The following PPP2R2A variants were observed in gnomAD, a reference collection of about 807,000 sequenced individuals.
PPP2R2A encodes the protein serine/threonine-protein phosphatase 2A 55 kDa regulatory subunit B alpha isoform.
PPP2R2A carries 9 observed loss-of-function variants against 53.2 expected under a neutral mutation model. That is an observed-to-expected ratio of 0.17 (90% confidence interval 0.10 to 0.30). The LOEUF (loss-of-function observed/expected upper bound fraction) is 0.30, where lower values mean the gene tolerates loss of function less well. Among genes scored for constraint, PPP2R2A ranks in the 10% least tolerant of loss-of-function variants. PPP2R2A has a pLI of 1.00. For synonymous variants in PPP2R2A, 169 were observed against 174.2 expected (o/e 0.97, Z 0.23); for missense variants, 235 against 534.6 (o/e 0.44, Z 5.53).
intron 2 of PPP2R2A, among the ~76,000 whole-genome samples, chr8:26,316,513 T>A (rs989273479): frequency 1.5e-4 from 23 of 152,196 alleles, no homozygotes; most frequent in Non-Finnish European, 1.5e-5. Flanking sequence ...CAGTTTATAT[T>A]TTTTTACTCC....
chr8:26,366,255 T>TA, intron 8 of PPP2R2A, 60 bp from the exon 9 acceptor site: 1 of 1,361,790 alleles, frequency 7.3e-7, no homozygotes, highest in South Asian at 1.2e-5. Context: ...TTTTTAAAGA[T>TA]ATGGACTTGT....
intron 2 of PPP2R2A, among the ~76,000 whole-genome samples, chr8:26,326,542 C>CT (rs939109985): frequency 5.3e-5 from 8 of 152,160 alleles, no homozygotes; most frequent in Non-Finnish European, 2.9e-5. Flanking sequence ...TAGTGAAGTG[C>CT]TTTCTGATTC....
chr8:26,355,263 A>T (rs1246777276), intron 4 of PPP2R2A, among the ~76,000 whole-genome samples: 2 of 152,080 alleles, frequency 1.3e-5, no homozygotes, highest in African/African-American at 4.8e-5. Flanking sequence ...TGCCAAGGGA[A>T]CATTTTTTGT....
chr8:26,355,722 G>A (rs1254598599), intron 4 of PPP2R2A, among the ~76,000 whole-genome samples: 3 of 152,014 alleles, frequency 2.0e-5, no homozygotes, highest in African/African-American at 4.8e-5. Flanking sequence ...AAAATTATCC[G>A]GGTGTGGTGG....
Position 26,291,571 on chromosome 8 carries a change from G to C in PPP2R2A, c.-249G>C, listed in dbSNP as rs1801294861. On this transcript the variant is annotated 5_prime_UTR_variant, in exon 1 of 10. Transcript: ENST00000380737. Reference sequence around the variant, plus strand: ...CCCTGCCGCTGCCGCCGCCGCCGTCGCTGTCGTAGTCGCCGCCGCCGCTGC... The same window carrying C: ...CCCTGCCGCTGCCGCCGCCGCCGTCCCTGTCGTAGTCGCCGCCGCCGCTGC... 1.9e-6 allele frequency: 1 copy of C among 532,346 alleles called. No homozygotes were observed. Among genetic ancestry groups the C allele is most frequent in the African/African-American group, 2.0e-5 (1 of 49,538 alleles). 33.0% of individuals were successfully genotyped at this position (532,346 alleles called of 1,614,324 possible).
intron 4 of PPP2R2A, among the ~76,000 whole-genome samples, chr8:26,356,398 C>T (rs1282833169): frequency 3.3e-5 from 5 of 152,140 alleles, no homozygotes; most frequent in Admixed American, 3.3e-4. Flanking sequence ...CCTCTGCCTT[C>T]TCTGTTTTCA....
intron 1 of PPP2R2A, 37 bp from the exon 2 acceptor site, chr8:26,293,629 A>C (rs1189350627): frequency 1.9e-6 from 3 of 1,588,062 alleles, no homozygotes; most frequent in South Asian, 1.1e-5. Flanking sequence ...CAACATAAGC[A>C]GAACTCGGTT....
intron 4 of PPP2R2A, among the ~76,000 whole-genome samples, chr8:26,357,269 G>C (rs558754697): frequency 7.2e-6 from 1 of 139,132 alleles, no homozygotes; most frequent in South Asian, 2.4e-4. Flanking sequence ...AGTTTTTTCT[G>C]TGAGCATAGT....
At chr8:26,292,465 A>G in intron 1 of PPP2R2A, 1 of 982,200 alleles carries the variant, frequency 1.0e-6, no homozygotes, top group African/African-American at 1.7e-5. Context: ...CATGAAAATA[A>G]TTTAAACTTT....
At position 26,291,690 on chromosome 8, in the gene PPP2R2A, C is replaced by CCG; in HGVS notation, c.-130_-129insCG. The CCG allele has an allele frequency of 1.6e-6, 1 of 612,258 alleles. No individual in the cohort carries two copies. Among genetic ancestry groups the CCG allele is most frequent in the Non-Finnish European group, 2.8e-6 (1 of 351,406 alleles). 37.9% of individuals were successfully genotyped at this position (612,258 alleles called of 1,614,324 possible). ...CCTCCTTCCTTTTCCCCCCGGCCCC[C>CCG]GTCCCCTCCCCCCGCAGGTGCCATC... On this transcript the variant is annotated 5_prime_UTR_variant, in exon 1 of 10. Coordinates refer to ENST00000380737, the MANE Select transcript of PPP2R2A (RefSeq NM_002717.4).
chr8:26,308,859 T>A (rs891516705), intron 2 of PPP2R2A, among the ~76,000 whole-genome samples: 3 of 150,270 alleles, frequency 2.0e-5, no homozygotes, highest in African/African-American at 7.3e-5. Flanking sequence ...CCTTACAAAA[T>A]ATATATATAT....
In PPP2R2A at chr8:26,317,539, A is replaced by G. The variant is rs1802619943; in HGVS notation, c.83-21351A>G. 1.3e-5 allele frequency among the ~76,000 whole-genome samples: 2 copies of G among 152,202 alleles called. 1 individual carries two copies. Among genetic ancestry groups the G allele is most frequent in the South Asian group, 4.1e-4 (2 of 4,832 alleles). ...GGATAGATAAATTCTGCAATATGTC[A>G]TCTCATTTTAAAATATATGATAACT... On this transcript the variant is annotated intron_variant, in intron 2 of 9. Transcript: ENST00000380737.
chr8:26,314,126 G>A (rs1160840797), intron 2 of PPP2R2A, among the ~76,000 whole-genome samples: 1 of 152,120 alleles, frequency 6.6e-6, no homozygotes, highest in African/African-American at 2.4e-5. Context: ...TGATCAAGAA[G>A]AATCAGTTTA....
chr8:26,340,223 T>G lies in PPP2R2A; in HGVS notation c.180+1236T>G, dbSNP rs75061314. Among the ~76,000 whole-genome samples, 579 of 152,098 alleles carry G rather than the reference T, an allele frequency of 3.8e-3. 12 individuals are homozygous for G. The highest frequency in any genetic ancestry group is 0.026 in the Admixed American group (400 of 15,274). On this transcript the variant is annotated intron_variant, in intron 3 of 9. Transcript: ENST00000380737. Reference sequence around the variant, plus strand: ...TGACATGGAACCTTACATTATAATTTCATTATAATTTCCCTTTATTTACTA... The same window carrying G: ...TGACATGGAACCTTACATTATAATTGCATTATAATTTCCCTTTATTTACTA...
chr8:26,352,025 ACT>A (rs1384136378), intron 3 of PPP2R2A, among the ~76,000 whole-genome samples: 1 of 152,204 alleles, frequency 6.6e-6, no homozygotes, highest in African/African-American at 2.4e-5. Context: ...ATCTAAACTT[ACT>A]GTAGAAACTT....
In PPP2R2A at chr8:26,363,862, T is replaced by C; in HGVS notation, c.944T>C (p.Met315Thr). Residue 315 changes from methionine (M) to threonine (T), a missense_variant, in exon 8 of 10, where the codon ATG (methionine) becomes ACG (threonine). Around this residue, in one of 3 missense-constraint regions of PPP2R2A, gnomAD observed 181 missense variants for 409.9 expected, o/e 0.44. Transcript: ENST00000380737. ...YLSVKIWDLN[M>T]ENRPVETYQV... ...TCAGTCAAAATTTGGGACTTAAATA[T>C]GGAAAACAGGCCTGTGGAAACATAC... The C allele has an allele frequency of 6.2e-7, 1 of 1,604,164 alleles. No individual in the cohort carries two copies. Among genetic ancestry groups the C allele is most frequent in the Admixed American group, 1.7e-5 (1 of 59,682 alleles).
chr8:26,357,723 G>A (rs532076812), intron 4 of PPP2R2A, among the ~76,000 whole-genome samples: 10 of 152,082 alleles, frequency 6.6e-5, no homozygotes, highest in South Asian at 2.1e-4. Flanking sequence ...AAACGGCAGC[G>A]TGGTTTTCCC....
intron 4 of PPP2R2A, among the ~76,000 whole-genome samples, chr8:26,355,352 ACCTCAGTCTCCTGAGTAGC>A (rs922811356): frequency 1.3e-5 from 2 of 152,034 alleles, no homozygotes; most frequent in Non-Finnish European, 2.9e-5. Context: ...CGACCTCCCT[ACCTCAGTCTCCTGAGTAGC>A]TGGGACCACA....
At chr8:26,303,959 A>C (rs911929767) in intron 2 of PPP2R2A, among the ~76,000 whole-genome samples, 11 of 152,160 alleles carry the variant, frequency 7.2e-5, no homozygotes, top group African/African-American at 2.2e-4. Context: ...TGTATGTTCA[A>C]ATACCAGATG....
Sources: allele counts gnomAD v4.1 joint callset (sites outside exome capture counted in the v4.1 genomes callset), GRCh38; gene constraint gnomAD v4.1.1; regional missense constraint gnomAD v4.1.1; transcripts MANE v1.5; gene names NCBI Gene and HGNC (gene_info 2026-07-23, HGNC 2026-07-21).